ACSM3: variants seen among roughly 807,000 people sequenced by gnomAD.
The protein encoded by ACSM3 is acyl-coenzyme A synthetase ACSM3, mitochondrial.
In ACSM3, 61 loss-of-function variants were observed where a neutral mutation model predicts 74.1. The ratio of observed to expected loss-of-function variants is 0.82; its 90% confidence interval spans 0.67 to 1.02. The LOEUF (loss-of-function observed/expected upper bound fraction) is 1.02. Ranked by LOEUF, ACSM3 falls within the 50% of genes least tolerant of loss-of-function variation. The probability of loss-of-function intolerance (pLI) is 0.00; values close to 1 mark genes in which losing one functional copy is unlikely to be tolerated. For missense variants in ACSM3, 660 were observed against 697.0 expected (o/e 0.95, Z 0.60); for synonymous variants, 213 against 241.5 (o/e 0.88, Z 1.09).
intron 1 of ACSM3, among the ~76,000 whole-genome samples, chr16:20,710,081 G>A (rs1026668582): frequency 2.0e-5 from 3 of 152,106 alleles, no homozygotes; most frequent in Admixed American, 2.0e-4. Flanking sequence ...TAATTAGGAC[G>A]TGCATGTTCT....
intron 1 of ACSM3, among the ~76,000 whole-genome samples, chr16:20,769,148 T>C (rs889050312): frequency 6.6e-6 from 1 of 152,216 alleles, no homozygotes; most frequent in Non-Finnish European, 1.5e-5. Context: ...TTAATGATTA[T>C]GAGAGTAATA....
chr16:20,710,179 G>A (rs982734443), intron 1 of ACSM3, among the ~76,000 whole-genome samples: 2 of 152,180 alleles, frequency 1.3e-5, no homozygotes, highest in African/African-American at 4.8e-5. Context: ...AAGTAGTCTA[G>A]GCAAGGTTTG....
chr16:20,788,055 A>G (rs2080512736), intron 9 of ACSM3, among the ~76,000 whole-genome samples: 1 of 152,156 alleles, frequency 6.6e-6, no homozygotes, highest in Non-Finnish European at 1.5e-5. Flanking sequence ...GGTCCAAAAG[A>G]TGGGTACTGT....
chr16:20,685,056 TG>T, intron 1 of ACSM3: 1 of 827,186 alleles, frequency 1.2e-6, no homozygotes, highest in Non-Finnish European at 2.0e-6. Flanking sequence ...CCTTGCTTTG[TG>T]GTCCCAGCAC....
Position 20,746,745 on chromosome 16 carries a change from T to G in ACSM3, c.-189-3165T>G, listed in dbSNP as rs144785640. ...AGTCTGCCCCTAGAGGAGTCAAATT[T>G]GGCCTGGCCTTTGTACCTACTCAGC... On this transcript the variant is annotated intron_variant, in intron 1 of 3. Transcript: ENST00000561584. Among the ~76,000 whole-genome samples, 267 of 152,322 alleles carry G rather than the reference T, an allele frequency of 1.8e-3. 1 individual carries two copies. Among genetic ancestry groups the G allele is most frequent in the Non-Finnish European group, 2.7e-3 (186 of 68,012 alleles).
At chr16:20,731,668 C>T (rs960065829) in intron 1 of ACSM3, 1 of 405,392 alleles carries the variant, frequency 2.5e-6, no homozygotes, top group Non-Finnish European at 4.4e-6. Context: ...GTCCTACAGC[C>T]TAGAGAAATT....
At chr16:20,696,485 A>C (rs2079690407) in intron 1 of ACSM3, among the ~76,000 whole-genome samples, 1 of 152,278 alleles carries the variant, frequency 6.6e-6, no homozygotes, top group Non-Finnish European at 1.5e-5. Flanking sequence ...CAGTGTGCCC[A>C]CAAATTATCT....
At chr16:20,744,800 T>G (rs2079951046) in intron 1 of ACSM3, among the ~76,000 whole-genome samples, 1 of 152,242 alleles carries the variant, frequency 6.6e-6, no homozygotes, top group Non-Finnish European at 1.5e-5. Flanking sequence ...TCTCTGACCA[T>G]GTGGCAGCAC....
chr16:20,692,611 G>T (rs919188672), intron 1 of ACSM3, among the ~76,000 whole-genome samples: 3 of 152,228 alleles, frequency 2.0e-5, no homozygotes, highest in African/African-American at 7.2e-5. Context: ...CTGGATCTGG[G>T]AAGGAAGGAA....
chr16:20,772,321 T>C (rs1285320298), intron 2 of ACSM3, among the ~76,000 whole-genome samples: 1 of 152,036 alleles, frequency 6.6e-6, no homozygotes, highest in Non-Finnish European at 1.5e-5. Flanking sequence ...AATATTTGCC[T>C]AGGGGAGTCT....
intron 1 of ACSM3, among the ~76,000 whole-genome samples, chr16:20,690,081 T>C (rs2079625328): frequency 6.6e-6 from 1 of 152,244 alleles, no homozygotes; most frequent in African/African-American, 2.4e-5. Flanking sequence ...TTGAGGTTAC[T>C]ATGCAAATTC....
At chr16:20,721,346 T>G (rs1361763271) in intron 1 of ACSM3, 1 of 152,298 alleles carries the variant, frequency 6.6e-6, no homozygotes, top group Non-Finnish European at 1.5e-5. Context: ...TTGTGACTAT[T>G]ATAAATTCTA....
At chr16:20,771,567 C>A (rs1452994124) in intron 2 of ACSM3, among the ~76,000 whole-genome samples, 1 of 152,012 alleles carries the variant, frequency 6.6e-6, no homozygotes, top group African/African-American at 2.4e-5. Context: ...AACAGAATTT[C>A]ATTCTTTTTT....
chr16:20,735,636 T>C (rs2079862839), intron 1 of ACSM3: 1 of 152,014 alleles, frequency 6.6e-6, no homozygotes, highest in African/African-American at 2.4e-5. Context: ...TGTCACAACA[T>C]TATATATTGG....
At chr16:20,735,563 T>C (rs2079862012) in intron 1 of ACSM3, 1 of 151,964 alleles carries the variant, frequency 6.6e-6, no homozygotes, top group Non-Finnish European at 1.5e-5. Context: ...AAATGACTTA[T>C]GGAGACAACC....
chr16:20,753,386 C>T (rs1159548468), intron 2 of ACSM3, among the ~76,000 whole-genome samples: 1 of 148,706 alleles, frequency 6.7e-6, no homozygotes, highest in Non-Finnish European at 1.5e-5. Flanking sequence ...ATTGCTTGAA[C>T]CTGGGAGGCA....
intron 1 of ACSM3, among the ~76,000 whole-genome samples, chr16:20,726,189 A>G (rs2079805327): frequency 6.6e-6 from 1 of 152,248 alleles, no homozygotes; most frequent in Non-Finnish European, 1.5e-5. Context: ...AAAAAGAAAG[A>G]AAAGCATATT....
At chr16:20,758,006 G>A (rs1296628442) in intron 3 of ACSM3, among the ~76,000 whole-genome samples, 1 of 152,154 alleles carries the variant, frequency 6.6e-6, no homozygotes, top group African/African-American at 2.4e-5. Flanking sequence ...TGGTGGATAA[G>A]CTTTTTGATG....
At chr16:20,768,903 A>T (rs117449397) in intron 1 of ACSM3, among the ~76,000 whole-genome samples, 6,060 of 152,248 alleles carry the variant, frequency 0.04, 198 homozygotes, top group Admixed American at 0.083. Flanking sequence ...ACACACATAA[A>T]TGGGAAGGAC....
Sources: allele counts gnomAD v4.1 joint callset (sites outside exome capture counted in the v4.1 genomes callset), GRCh38; gene constraint gnomAD v4.1.1; transcripts MANE v1.5; gene names NCBI Gene and HGNC (gene_info 2026-07-23, HGNC 2026-07-21).